MARS1: variants seen among roughly 807,000 people sequenced by gnomAD.
MARS1 encodes methionyl-tRNA synthetase 1, also known as methionine--tRNA ligase, cytoplasmic.
MARS1 carries 80 observed loss-of-function variants against 119.5 expected under a neutral mutation model. The observed-to-expected ratio is 0.67, with a 90% CI of 0.56 to 0.81. The LOEUF (loss-of-function observed/expected upper bound fraction) is 0.81. Among genes scored for constraint, MARS1 ranks in the 30% least tolerant of loss-of-function variants. The probability of loss-of-function intolerance (pLI) is 0.00; values close to 1 mark genes in which losing one functional copy is unlikely to be tolerated. For synonymous variants in MARS1, 418 were observed against 433.4 expected, an observed-to-expected ratio of 0.96 and a Z score of 0.44; for missense variants, 945 against 1,116.5, an observed-to-expected ratio of 0.85 and a Z score of 2.19.
At position 57,500,378 on chromosome 12, in the gene MARS1, T is replaced by A; in HGVS notation, c.1149T>A (p.Thr383=). Residue 383 remains threonine (T), a synonymous_variant, in exon 10 of 21, where the codon ACT becomes ACA. Coordinates refer to ENST00000262027, the MANE Select transcript of MARS1 (RefSeq NM_004990.4). The part of the protein sequence containing the change: ...LLKRGFVLQD[T]VEQLRCEHCA... ...AACGAGGTTTTGTGCTGCAAGATAC[T>A]GTGGAGCAACTGCGATGTGAGCACT... 1.9e-6 allele frequency: 3 copies of A among 1,614,232 alleles called. No individual in the cohort carries two copies. Among genetic ancestry groups the A allele is most frequent in the Non-Finnish European group, 2.5e-6 (3 of 1,180,036 alleles).
Position 57,512,272 on chromosome 12 carries a change from C to T in MARS1, c.1672C>T (p.Pro558Ser). Residue 558 changes from proline to serine, a missense_variant, in exon 14 of 21, where the codon CCT (proline) becomes TCT (serine). Coordinates refer to ENST00000262027, the MANE Select transcript of MARS1 (RefSeq NM_004990.4). ...TCAGTTCATGGCCAAAGACAATGTTCCTTTCCATAGCTTAGTCTTTCCTTG... is the reference window on the plus strand; with the variant it reads ...TCAGTTCATGGCCAAAGACAATGTTTCTTTCCATAGCTTAGTCTTTCCTTG... ...LYQFMAKDNV[P>S]FHSLVFPCSA... is the part of the protein sequence containing the mutation. The T allele has an allele frequency of 6.2e-7, 1 of 1,614,120 alleles. No homozygotes were observed. Among genetic ancestry groups the T allele is most frequent in the Non-Finnish European group, 8.5e-7 (1 of 1,180,016 alleles).
chr12:57,504,351 T>C, intron 11 of MARS1, 52 bp downstream of exon 11: 1 of 1,420,764 alleles, frequency 7.0e-7, no homozygotes, highest in Non-Finnish European at 1.0e-6. Context: ...TTCTGTCCCC[T>C]CTGCCTTAGC....
At chr12:57,511,412 T>C (rs993803033) in intron 11 of MARS1, among the ~76,000 whole-genome samples, 6 of 152,068 alleles carry the variant, frequency 3.9e-5, no homozygotes, top group Non-Finnish European at 7.4e-5. Flanking sequence ...GGCAAAACCC[T>C]GTTTCTACAA....
chr12:57,503,557 T>G lies in MARS1; in HGVS notation c.1294-668T>G, dbSNP rs188465934. The stretch of plus-strand genomic sequence containing the variant: ...CACATTTGTGTCTTTTTCCTTTTTT[T>G]TTTTTTTGAGACAGAGTCTGCTCTG... On this transcript the variant is annotated intron_variant, in intron 10 of 20. Transcript: ENST00000262027. Among the ~76,000 whole-genome samples, 15 of 151,820 alleles carry G rather than the reference T, an allele frequency of 9.9e-5. No homozygotes were observed. The East Asian group carries it at 2.9e-3, about 29-fold the overall frequency.
intron 7 of MARS1, among the ~76,000 whole-genome samples, chr12:57,493,862 ATTATATAATAT>A (rs1404178581): frequency 6.3e-4 from 4 of 6,340 alleles, no homozygotes; most frequent in South Asian, 0.083. Context: ...ATATATTTAT[ATTATATAATAT>A]ATATAATATA....
intron 11 of MARS1, among the ~76,000 whole-genome samples, chr12:57,505,698 G>C (rs984947789): frequency 1.1e-4 from 16 of 152,168 alleles, no homozygotes; most frequent in African/African-American, 3.6e-4. Flanking sequence ...TGTAGTCTCA[G>C]CTATGCAAGA....
At chr12:57,495,421 G>A (rs541376113) in intron 7 of MARS1, among the ~76,000 whole-genome samples, 4 of 148,912 alleles carry the variant, frequency 2.7e-5, no homozygotes, top group South Asian at 4.2e-4. Flanking sequence ...GGGCAGAGGC[G>A]CTCCCCACAT....
At chr12:57,503,181 G>A (rs1877012383) in intron 10 of MARS1, among the ~76,000 whole-genome samples, 1 of 151,374 alleles carries the variant, frequency 6.6e-6, no homozygotes, top group African/African-American at 2.4e-5. Flanking sequence ...TGTTTATATA[G>A]TCAGTTTATG....
intron 7 of MARS1, among the ~76,000 whole-genome samples, chr12:57,493,343 T>C (rs1876103138): frequency 1.0e-5 from 1 of 98,310 alleles, no homozygotes; most frequent in Non-Finnish European, 1.8e-5. Flanking sequence ...ATATATGTTA[T>C]ATAATATATA....
chr12:57,508,682 GGTAGAGGTAGAGGTAGA>G (rs1440883195), intron 11 of MARS1, among the ~76,000 whole-genome samples: 5 of 56,430 alleles, frequency 8.9e-5, no homozygotes, highest in African/African-American at 2.3e-4. Flanking sequence ...CGTGGGGAGA[GGTAGAGGTAGAGGTAGA>G]GGTAGAGGGT....
chr12:57,493,217 C>G (rs935681385), intron 7 of MARS1, among the ~76,000 whole-genome samples: 20 of 141,276 alleles, frequency 1.4e-4, no homozygotes, highest in African/African-American at 5.1e-4. Context: ...TAGCACAGGG[C>G]CAAATGTTCT....
At chr12:57,489,187 G>A in intron 2 of MARS1, 78 bp downstream of exon 2, 6 of 1,599,598 alleles carry the variant, frequency 3.8e-6, no homozygotes, top group Non-Finnish European at 5.1e-6. Context: ...TTTATTTGCA[G>A]CCATTGTTTC....
intron 7 of MARS1, among the ~76,000 whole-genome samples, chr12:57,494,355 T>TCTCA (rs1876468823): frequency 7.2e-6 from 1 of 138,670 alleles, no homozygotes; most frequent in Admixed American, 7.6e-5. Flanking sequence ...TGAGATGGAG[T>TCTCA]CTCACACTGT....
chr12:57,490,758 T>A, intron 7 of MARS1, 114 bp downstream of exon 7: 2 of 609,598 alleles, frequency 3.3e-6, no homozygotes, highest in Non-Finnish European at 5.7e-6. Context: ...TTTTTCATCC[T>A]CTCCTTTTAA....
rs759262797 is a variant in MARS1, at chr12:57,516,252, C to T, written c.2471C>T (p.Thr824Met). 4.3e-6 allele frequency: 7 copies of T among 1,614,018 alleles called. No homozygotes were observed. Among genetic ancestry groups the T allele is most frequent in the African/African-American group, 4.0e-5 (3 of 74,924 alleles). The change falls in exon 20 of 21, where the codon ACG becomes ATG. Residue 824 changes from threonine to methionine, a missense_variant. Coordinates refer to ENST00000262027, the MANE Select transcript of MARS1 (RefSeq NM_004990.4). Reference protein sequence around the residue: ...RQRFGGGQAKTSPKPAVVETV... With the variant: ...RQRFGGGQAKMSPKPAVVETV... ...AACTTTGTTGTTCTCCAGGCAAAAA[C>T]GTCCCCGAAGCCAGCAGTTGTAGAG...
At position 57,512,211 on chromosome 12, in the gene MARS1, A is replaced by G. The variant is rs117762340; in HGVS notation, c.1636-25A>G. The stretch of plus-strand genomic sequence containing the variant: ...GGGCCTTTGAAGGAGGTCTCAGGAA[A>G]TCTCTCCTAACCACATTCCCCTAGG... On this transcript the variant is annotated intron_variant, in intron 13 of 20. Coordinates refer to ENST00000262027, the MANE Select transcript of MARS1 (RefSeq NM_004990.4). 10,211 of 1,608,842 alleles carry G rather than the reference A, an allele frequency of 6.3e-3. 40 individuals are homozygous for G. The highest frequency in any genetic ancestry group is 7.8e-3 in the Non-Finnish European group (9,155 of 1,175,288).
intron 5 of MARS1, 91 bp from the exon 6 acceptor site, chr12:57,490,116 C>CCAGT: frequency 2.7e-6 from 4 of 1,489,450 alleles, no homozygotes; most frequent in Non-Finnish European, 3.7e-6. Context: ...GGGAAAGCAA[C>CCAGT]TGGAGAAACC....
chr12:57,488,489 C>T, intron 1 of MARS1: 2 of 1,364,584 alleles, frequency 1.5e-6, no homozygotes, highest in African/African-American at 1.4e-5. Context: ...CCTTCTCCTA[C>T]ACCTATCAGG....
chr12:57,490,054 T>G, intron 5 of MARS1, 83 bp downstream of exon 5: 2 of 1,478,958 alleles, frequency 1.4e-6, no homozygotes, highest in Admixed American at 3.4e-5. Context: ...AGAACTCCCT[T>G]CAAGGTACAG....
Sources: gnomAD v4.1 joint callset for allele counts (sites outside exome capture counted in the v4.1 genomes callset) on GRCh38, gnomAD v4.1.1 for gene constraint, MANE v1.5 for transcripts, NCBI Gene and HGNC (gene_info 2026-07-23, HGNC 2026-07-21) for gene names.